The following NFIA variants were observed in gnomAD, a reference collection of about 807,000 sequenced individuals.
NFIA encodes nuclear factor 1 A-type.
In NFIA, 8 loss-of-function variants were observed where a neutral mutation model predicts 62.8. The ratio of observed to expected loss-of-function variants is 0.13; its 90% CI spans 0.07 to 0.23. The LOEUF (loss-of-function observed/expected upper bound fraction) is 0.23. Among genes scored for constraint, NFIA ranks in the 10% least tolerant of loss-of-function variants. The pLI is 1.00. For synonymous variants in NFIA, 235 were observed against 238.1 expected, an observed-to-expected ratio of 0.99 and a Z score of 0.12; for missense variants, 410 against 642.1, an observed-to-expected ratio of 0.64 and a Z score of 3.91.
chr1:61,423,078 C>G (rs969628745), intron 9 of NFIA, among the ~76,000 whole-genome samples: 3 of 151,824 alleles, frequency 2.0e-5, no homozygotes, highest in Non-Finnish European at 4.4e-5. Context: ...TAGTGCAGGC[C>G]AAACTAAGAC....
intron 3 of NFIA, among the ~76,000 whole-genome samples, chr1:61,303,174 C>T (rs1268866941): frequency 6.6e-6 from 1 of 152,124 alleles, no homozygotes; most frequent in Non-Finnish European, 1.5e-5. Context: ...CGATTAAGTA[C>T]CTTGCACAGG....
chr1:61,429,032 CCA>C (rs1162775090), intron 10 of NFIA, among the ~76,000 whole-genome samples: 13 of 152,098 alleles, frequency 8.5e-5, no homozygotes, highest in African/African-American at 2.9e-4. Flanking sequence ...CTCCCAAAGG[CCA>C]GTGTCCAGTG....
chr1:61,420,972 A>G (rs762149534), intron 9 of NFIA, among the ~76,000 whole-genome samples: 4 of 151,916 alleles, frequency 2.6e-5, no homozygotes, highest in Non-Finnish European at 5.9e-5. Flanking sequence ...CAATTTCTCT[A>G]TCTTCTCCTT....
chr1:61,402,339 G>A (rs111251189), intron 7 of NFIA, among the ~76,000 whole-genome samples: 1,631 of 152,178 alleles, frequency 0.011, 34 homozygotes, highest in African/African-American at 0.037. Context: ...TACCAGGCCA[G>A]TTTTACCGAT....
intron 2 of NFIA, among the ~76,000 whole-genome samples, chr1:61,226,780 G>A (rs1319544282): frequency 6.6e-6 from 1 of 152,186 alleles, no homozygotes; most frequent in Admixed American, 6.5e-5. Context: ...AAGGCTTCAT[G>A]GGAAGAGCAA....
chr1:61,378,541 G>A (rs1664259729), intron 6 of NFIA, among the ~76,000 whole-genome samples: 1 of 146,146 alleles, frequency 6.8e-6, no homozygotes. Flanking sequence ...TCTTATATTT[G>A]AATATCATGT....
chr1:61,094,792 ATGTTT>A (rs992560727), intron 2 of NFIA, among the ~76,000 whole-genome samples: 2 of 152,160 alleles, frequency 1.3e-5, no homozygotes, highest in Non-Finnish European at 2.9e-5. Context: ...ACAATTCCTC[ATGTTT>A]TGTTTTAACT....
At chr1:61,345,964 A>G (rs1238038730) in intron 4 of NFIA, among the ~76,000 whole-genome samples, 2 of 152,134 alleles carry the variant, frequency 1.3e-5, no homozygotes, top group African/African-American at 2.4e-5. Context: ...CATTTTTGCC[A>G]TAATTATTAT....
At chr1:61,296,595 C>T (rs1659199840) in intron 3 of NFIA, among the ~76,000 whole-genome samples, 1 of 152,112 alleles carries the variant, frequency 6.6e-6, no homozygotes, top group South Asian at 2.1e-4. Context: ...ATCTGTCAAG[C>T]ATAAGATTTA....
chr1:61,339,319 A>T (rs530137634), intron 4 of NFIA, among the ~76,000 whole-genome samples: 9 of 152,340 alleles, frequency 5.9e-5, no homozygotes, highest in African/African-American at 1.9e-4. Context: ...CCTTTAAAAA[A>T]ATCATAATGT....
chr1:61,407,056 T>C (rs1665875295), intron 9 of NFIA, among the ~76,000 whole-genome samples: 1 of 152,216 alleles, frequency 6.6e-6, no homozygotes. Flanking sequence ...TTACATGGAT[T>C]CTGCTTAGAA....
intron 2 of NFIA, among the ~76,000 whole-genome samples, chr1:61,236,276 T>TTAC (rs1655008412): frequency 6.6e-6 from 1 of 151,804 alleles, no homozygotes; most frequent in African/African-American, 2.4e-5. Flanking sequence ...TCTGAGAGAG[T>TTAC]TCTTTAGCTA....
chr1:61,223,691 A>G (rs944919635), intron 2 of NFIA, among the ~76,000 whole-genome samples: 2 of 152,086 alleles, frequency 1.3e-5, no homozygotes, highest in Admixed American at 1.3e-4. Flanking sequence ...GATAATAAAC[A>G]GTAATTTTAT....
At chr1:61,258,816 C>A (rs973787053) in intron 2 of NFIA, among the ~76,000 whole-genome samples, 1 of 152,044 alleles carries the variant, frequency 6.6e-6, no homozygotes, top group Non-Finnish European at 1.5e-5. Flanking sequence ...GCAGTCTCGA[C>A]TCCTGGGCTG....
chr1:61,437,814 G>T (rs1173131107), intron 10 of NFIA, among the ~76,000 whole-genome samples: 2 of 152,128 alleles, frequency 1.3e-5, no homozygotes, highest in Admixed American at 6.5e-5. Flanking sequence ...AACAGTGCAT[G>T]CAAAGGAACA....
chr1:61,425,671 T>G (rs574798947), intron 9 of NFIA, among the ~76,000 whole-genome samples: 1 of 152,268 alleles, frequency 6.6e-6, no homozygotes, highest in South Asian at 2.1e-4. Context: ...CCACTGAATT[T>G]TTTCCCATTA....
chr1:61,121,393 C>A (rs911972200), intron 2 of NFIA, among the ~76,000 whole-genome samples: 4 of 152,094 alleles, frequency 2.6e-5, no homozygotes, highest in Non-Finnish European at 5.9e-5. Context: ...CCTCCTCCTC[C>A]CCAAGAATTC....
chr1:61,134,827 TATC>T lies in NFIA; in HGVS notation c.559+46150_559+46152del, dbSNP rs369616925. Among the ~76,000 whole-genome samples the T allele has an allele frequency of 3.7e-4, 56 of 152,310 alleles. 1 individual carries two copies. The East Asian group carries it at 9.5e-3, about 26-fold the overall frequency. ...CAACATAGGGAGACCCTGTCTCTATTATCATAAATAAAAACAAATTTTTTTAAA... is the reference window on the plus strand; with the variant it reads ...CAACATAGGGAGACCCTGTCTCTATTATAAATAAAAACAAATTTTTTTAAA... On this transcript the variant is annotated intron_variant, in intron 2 of 10. Coordinates refer to ENST00000403491, the MANE Select transcript of NFIA (RefSeq NM_001134673.4).
At position 61,461,557 on chromosome 1, in the gene NFIA, G is replaced by C. The variant is rs559281996; in HGVS notation, c.*6237G>C. ...AAAGAGTTACCTTTCCCAGATTAGG[G>C]GGATGGTATGTGGGGAGCAGATAGC... On this transcript the variant is annotated 3_prime_UTR_variant, in exon 11 of 11. Coordinates refer to ENST00000403491, the MANE Select transcript of NFIA (RefSeq NM_001134673.4). 1 of 152,170 alleles carries C rather than the reference G, an allele frequency of 6.6e-6. No individual in the cohort carries two copies. 9.4% of individuals were successfully genotyped at this position (152,170 alleles called of 1,614,324 possible).
Sources: allele counts gnomAD v4.1 joint callset (sites outside exome capture counted in the v4.1 genomes callset), GRCh38; gene constraint gnomAD v4.1.1; transcripts MANE v1.5; gene names NCBI Gene and HGNC (gene_info 2026-07-23, HGNC 2026-07-21).